The following ATP2B1 variants were observed in gnomAD, a reference collection of about 807,000 sequenced individuals.
The protein encoded by ATP2B1 is ATPase plasma membrane Ca2+ transporting 1.
ATP2B1 carries 14 observed loss-of-function variants against 124.2 expected under a neutral mutation model. The ratio of observed to expected loss-of-function variants is 0.11; its 90% CI spans 0.07 to 0.18. The LOEUF (loss-of-function observed/expected upper bound fraction) is 0.18, where lower values mean the gene tolerates loss of function less well. Among genes scored for constraint, ATP2B1 ranks in the 10% least tolerant of loss-of-function variants. ATP2B1 has a pLI of 1.00. For missense variants in ATP2B1, 763 were observed against 1,466.1 expected (o/e 0.52, Z 7.83); for synonymous variants, 449 against 492.4 (o/e 0.91, Z 1.17).
chr12:89,637,295 T>C (rs1882848791), intron 3 of ATP2B1, among the ~76,000 whole-genome samples: 2 of 152,232 alleles, frequency 1.3e-5, no homozygotes, highest in South Asian at 2.1e-4. Context: ...TGGATTTATA[T>C]AATGTTGTGT....
chr12:89,643,380 A>G (rs1883955601), intron 2 of ATP2B1, among the ~76,000 whole-genome samples: 1 of 152,114 alleles, frequency 6.6e-6, no homozygotes, highest in Non-Finnish European at 1.5e-5. Context: ...TAACAGTGAA[A>G]AGTTAATCTA....
chr12:89,658,643 G>GAGAGAGAGAGAGAGAT, intron 1 of ATP2B1, among the ~76,000 whole-genome samples: 1 of 142,790 alleles, frequency 7.0e-6, no homozygotes, highest in East Asian at 1.9e-4. Context: ...GAGAGAGAGA[G>GAGAGAGAGAGAGAGAT]AGAGATAGAG....
chr12:89,680,342 CA>C (rs1296677598), intron 1 of ATP2B1, among the ~76,000 whole-genome samples: 1 of 151,844 alleles, frequency 6.6e-6, no homozygotes, highest in African/African-American at 2.4e-5. Context: ...CACCTGGAAC[CA>C]AAAATTCAAA....
At chr12:89,614,230 G>A (rs2136028876) in intron 12 of ATP2B1, among the ~76,000 whole-genome samples, 1 of 152,326 alleles carries the variant, frequency 6.6e-6, no homozygotes, top group Non-Finnish European at 1.5e-5. Context: ...AGGAGGCTGA[G>A]GTGGGAGGCT....
In ATP2B1 at chr12:89,692,205, A is replaced by T. The variant is rs529513220; in HGVS notation, c.-222+16391T>A. Reference sequence around the variant, plus strand: ...AAAAAAAAAGCAACATGCTACCATGATGTTATTCTTAATCAATGGCCAAAA... The same window carrying T: ...AAAAAAAAAGCAACATGCTACCATGTTGTTATTCTTAATCAATGGCCAAAA... On this transcript the variant is annotated intron_variant, in intron 1 of 20. Coordinates refer to ENST00000428670, the MANE Select transcript of ATP2B1 (RefSeq NM_001366521.1). Among the ~76,000 whole-genome samples the T allele has an allele frequency of 5.3e-5, 8 of 152,282 alleles. No homozygotes were observed. The East Asian group carries it at 1.5e-3, about 29-fold the overall frequency.
At chr12:89,697,195 T>TA (rs1490288646) in intron 1 of ATP2B1, among the ~76,000 whole-genome samples, 1 of 152,184 alleles carries the variant, frequency 6.6e-6, no homozygotes, top group Non-Finnish European at 1.5e-5. Flanking sequence ...ACCAGACTCT[T>TA]ATCAGGCAGT....
At chr12:89,665,389 T>C (rs1364602779) in intron 1 of ATP2B1, among the ~76,000 whole-genome samples, 1 of 152,182 alleles carries the variant, frequency 6.6e-6, no homozygotes, top group Admixed American at 6.5e-5. Context: ...TTTTAAAAGT[T>C]TAACAGAGAA....
rs1337528488 is a variant in ATP2B1, at chr12:89,626,520, G to A, written c.1063C>T (p.Pro355Ser). 5 of 1,612,554 alleles carry A rather than the reference G, an allele frequency of 3.1e-6. No individual in the cohort carries two copies. The highest frequency in any genetic ancestry group is 4.2e-6 in the Non-Finnish European group (5 of 1,179,528). The change falls in exon 8 of 21, where the codon CCA becomes TCA. Residue 355 changes from proline to serine, a missense_variant. Physicochemically the swap from Pro to Ser is moderately conservative, Grantham distance 74. Transcript: ENST00000428670. ...DEKDKKKANL[P>S]KKEKSVLQGK... ...TGTAAAACAGATTTTTCCTTTTTTG[G>A]CAAATTTGCTTTCTTTTTATCTTTT...
chr12:89,666,400 C>T (rs765677716), intron 1 of ATP2B1, among the ~76,000 whole-genome samples: 2 of 152,182 alleles, frequency 1.3e-5, no homozygotes, highest in African/African-American at 2.4e-5. Flanking sequence ...CTTATCATCC[C>T]TTGGAATTGT....
intron 1 of ATP2B1, among the ~76,000 whole-genome samples, chr12:89,666,043 G>C (rs1023875722): frequency 1.2e-4 from 19 of 152,060 alleles, no homozygotes; most frequent in African/African-American, 4.6e-4. Flanking sequence ...TCTTTATCTC[G>C]TTCTATTTAT....
chr12:89,598,039 C>CAAAAAAAAAA lies in ATP2B1; in HGVS notation c.3351+1068_3351+1077dup, dbSNP rs10661138. Among the ~76,000 whole-genome samples, 240 of 60,472 alleles carry CAAAAAAAAAA rather than the reference C, an allele frequency of 4.0e-3. 5 individuals carry two copies. The highest frequency in any genetic ancestry group is 4.6e-3 in the Non-Finnish European group (167 of 36,186). The allele number at this position is 60,472 out of a possible 152,430, so 39.7% of individuals were successfully genotyped here. ...CCCCTGAAACCACTGCACAACCAAG[C>CAAAAAAAAAA]AAAAAAAAAAAAAAAAAAAAAAAAT... On this transcript the variant is annotated intron_variant, in intron 20 of 20. Transcript: ENST00000428670.
At chr12:89,601,174 C>T (rs978754455) in intron 19 of ATP2B1, 152 bp downstream of exon 19, 32 of 565,798 alleles carry the variant, frequency 5.7e-5, no homozygotes, top group Middle Eastern at 3.5e-4. Flanking sequence ...GGAACTAATA[C>T]GACATTAAAA....
At chr12:89,659,810 C>T (rs932908965) in intron 1 of ATP2B1, among the ~76,000 whole-genome samples, 2 of 151,282 alleles carry the variant, frequency 1.3e-5, no homozygotes, top group Non-Finnish European at 2.9e-5. Context: ...GTAGTCCCAG[C>T]TACTCGGGAG....
chr12:89,613,100 C>A (rs1473134846), intron 12 of ATP2B1, among the ~76,000 whole-genome samples: 1 of 151,964 alleles, frequency 6.6e-6, no homozygotes, highest in South Asian at 2.1e-4. Context: ...CCACCTCAGC[C>A]TCCTGAGTAG....
intron 2 of ATP2B1, among the ~76,000 whole-genome samples, chr12:89,653,022 C>G (rs1264693282): frequency 1.3e-5 from 2 of 152,198 alleles, no homozygotes; most frequent in African/African-American, 4.8e-5. Context: ...AGCCACTGCA[C>G]TGCTGTTTTC....
intron 15 of ATP2B1, among the ~76,000 whole-genome samples, chr12:89,607,610 T>C (rs1454398837): frequency 2.0e-5 from 3 of 152,222 alleles, no homozygotes; most frequent in Admixed American, 6.5e-5. Context: ...CTACCATAGA[T>C]GTATTTGATT....
intron 3 of ATP2B1, among the ~76,000 whole-genome samples, chr12:89,640,245 T>C (rs1304122122): frequency 1.3e-5 from 2 of 152,132 alleles, no homozygotes; most frequent in African/African-American, 2.4e-5. Context: ...AACAGTAAAA[T>C]AGGTACTACT....
chr12:89,605,537 C>T (rs1298037360), intron 15 of ATP2B1, among the ~76,000 whole-genome samples: 1 of 152,158 alleles, frequency 6.6e-6, no homozygotes, highest in Non-Finnish European at 1.5e-5. Flanking sequence ...GGCACCCTGG[C>T]TCTTGGATTT....
intron 1 of ATP2B1, among the ~76,000 whole-genome samples, chr12:89,706,869 GT>G (rs1892513717): frequency 6.6e-6 from 1 of 152,084 alleles, no homozygotes; most frequent in Non-Finnish European, 1.5e-5. Context: ...GATCTTTGCA[GT>G]TACACCCAAG....
Sources: allele counts gnomAD v4.1 joint callset (sites outside exome capture counted in the v4.1 genomes callset), GRCh38; gene constraint gnomAD v4.1.1; transcripts MANE v1.5; gene names NCBI Gene and HGNC (gene_info 2026-07-23, HGNC 2026-07-21).